WDR25: variants seen among roughly 807,000 people sequenced by gnomAD.
WDR25 encodes the protein WD repeat domain 25, also known as WD repeat-containing protein 25.
Under a neutral mutation model 47.7 loss-of-function variants are expected in WDR25, and 35 were observed. The observed-to-expected ratio is 0.73, with a 90% CI of 0.56 to 0.97. The LOEUF (loss-of-function observed/expected upper bound fraction) is 0.97, where lower values mean the gene tolerates loss of function less well. Among genes scored for constraint, WDR25 ranks in the 50% least tolerant of loss-of-function variants. The pLI is 0.00. For missense variants in WDR25, 634 were observed against 704.7 expected (o/e 0.90, Z 1.14); for synonymous variants, 248 against 278.9 (o/e 0.89, Z 1.10).
chr14:100,529,945 G>T lies in WDR25; in HGVS notation c.1539G>T (p.Gly513=), dbSNP rs1435362651. Residue 513 remains glycine (G), a synonymous_variant, in exon 7 of 7, where the codon GGG becomes GGT. Transcript: ENST00000402312. This position sits in a 1 kb window ranked among gnomAD's most constrained non-coding sequence, Gnocchi z 5.1. ...RTASRACTLQ[G]HTQACVGTTY... ...CCAGCCGAGCATGCACACTGCAGGG[G>T]CACACACAGGCCTGTGTCGGCACCA... is the stretch of plus-strand genomic sequence containing the variant. 1 of 1,613,444 alleles carries T rather than the reference G, an allele frequency of 6.2e-7. No individual in the cohort carries two copies. Among genetic ancestry groups the T allele is most frequent in the East Asian group, 2.2e-5 (1 of 44,894 alleles).
rs906350419 is a variant in WDR25, at chr14:100,468,240, C to T, written c.970+72C>T. On this transcript the variant is annotated intron_variant, in intron 3 of 6. Transcript: ENST00000402312. This position sits in a 1 kb window ranked among gnomAD's most constrained non-coding sequence, Gnocchi z 4.5. ...CCTGGGGAAGGTTCTCTGGTGGGCA[C>T]GCAGCCACAAGCTGTATACGCTTGC... 2.2e-5 allele frequency: 34 copies of T among 1,556,732 alleles called. No individual in the cohort carries two copies. Among genetic ancestry groups the T allele is most frequent in the East Asian group, 1.4e-4 (6 of 44,354 alleles).
intron 5 of WDR25, among the ~76,000 whole-genome samples, chr14:100,527,586 T>C (rs910282667): frequency 3.9e-5 from 6 of 152,216 alleles, no homozygotes; most frequent in African/African-American, 9.6e-5. Flanking sequence ...GGGCAACCCA[T>C]TGGGCAGGAC....
chr14:100,477,224 T>C (rs748289921), intron 3 of WDR25, among the ~76,000 whole-genome samples: 1 of 152,232 alleles, frequency 6.6e-6, no homozygotes, highest in Non-Finnish European at 1.5e-5. Context: ...GCACTGGTCA[T>C]AGAGTCAGTA....
chr14:100,396,596 A>C (rs1466207941), intron 2 of WDR25, among the ~76,000 whole-genome samples: 1 of 152,226 alleles, frequency 6.6e-6, no homozygotes, highest in Admixed American at 6.5e-5. Context: ...AAGCCAACAC[A>C]AGTGGCCTCA....
chr14:100,418,099 G>T (rs185978274), intron 2 of WDR25, among the ~76,000 whole-genome samples: 1 of 151,520 alleles, frequency 6.6e-6, no homozygotes, highest in Non-Finnish European at 1.5e-5. Context: ...CAACCACCAC[G>T]CCTGGCTAAT....
intron 3 of WDR25, among the ~76,000 whole-genome samples, chr14:100,476,742 A>G (rs1900030515): frequency 6.6e-6 from 1 of 152,138 alleles, no homozygotes; most frequent in Non-Finnish European, 1.5e-5. Context: ...GTGCCGTGTG[A>G]TGCGTGCAAG....
intron 4 of WDR25, among the ~76,000 whole-genome samples, chr14:100,489,448 C>T (rs1292920692): frequency 6.6e-6 from 1 of 152,118 alleles, no homozygotes; most frequent in Non-Finnish European, 1.5e-5. Context: ...GTATTTTGAA[C>T]CAAAAGTTAG....
In WDR25 at chr14:100,526,939, CCACACCATCTCTAT is replaced by C. The variant is rs1555397808; in HGVS notation, c.1272+903_1272+916del. Among the ~76,000 whole-genome samples the C allele has an allele frequency of 2.0e-3, 108 of 54,170 alleles. 1 individual carries two copies. Among genetic ancestry groups the C allele is most frequent in the South Asian group, 2.5e-3 (4 of 1,624 alleles). 35.5% of individuals were successfully genotyped at this position (54,170 alleles called of 152,430 possible). A position where few individuals can be genotyped will look rare whatever the true frequency, so the allele number is the denominator to read the frequency against. On this transcript the variant is annotated intron_variant, in intron 5 of 6. Transcript: ENST00000402312. ...ACTACTACCACTCCTGTCATCACCA[CCACACCATCTCTAT>C]CACCACCACCATCACCATCATCACC...
At chr14:100,494,700 G>A (rs563703462) in intron 4 of WDR25, among the ~76,000 whole-genome samples, 1 of 152,344 alleles carries the variant, frequency 6.6e-6, no homozygotes, top group African/African-American at 2.4e-5. Context: ...CTGGACCTGG[G>A]TGTTTTCTTC....
At chr14:100,431,707 C>T (rs1383865425) in intron 2 of WDR25, among the ~76,000 whole-genome samples, 1 of 148,838 alleles carries the variant, frequency 6.7e-6, no homozygotes, top group Non-Finnish European at 1.5e-5. Context: ...CCACCATGCC[C>T]AACTAATTTT....
In WDR25 at chr14:100,453,295, T is replaced by C. The variant is rs115217271; in HGVS notation, c.823-14726T>C. On this transcript the variant is annotated intron_variant, in intron 2 of 6. Transcript: ENST00000402312. ...TTAGTGGTGCTGAAACCTGCACACT[T>C]TCGAGCCAGAGTGCCTTGGTCCAGG... Among the ~76,000 whole-genome samples the C allele has an allele frequency of 4.9e-3, 744 of 152,280 alleles. 9 individuals carry two copies. The highest frequency in any genetic ancestry group is 0.017 in the African/African-American group (699 of 41,540).
At chr14:100,517,106 G>GTTTTTTTTTTTTTTTTT (rs796096587) in intron 4 of WDR25, among the ~76,000 whole-genome samples, 1 of 65,878 alleles carries the variant, frequency 1.5e-5, no homozygotes, top group African/African-American at 7.2e-5. Flanking sequence ...TATCTCCTCT[G>GTTTTTTTTTTTTTTTTT]TTTTTTTTTT....
In WDR25 at chr14:100,382,581, T is replaced by C. The variant is rs76258505; in HGVS notation, c.822+835T>C. 1.9e-3 allele frequency among the ~76,000 whole-genome samples: 288 copies of C among 152,236 alleles called. 12 individuals are homozygous for C. In the South Asian group the frequency reaches 0.032, roughly 17 times the overall value. ...GGCTACTGAAGTGATAGTAATGTAG[T>C]CCCCCAGTATGGAGGTACAGTGTGA... On this transcript the variant is annotated intron_variant, in intron 2 of 6. Coordinates refer to ENST00000402312, the MANE Select transcript of WDR25 (RefSeq NM_001161476.3).
intron 4 of WDR25, among the ~76,000 whole-genome samples, chr14:100,493,456 G>GT (rs61447433): frequency 1.3e-5 from 2 of 151,846 alleles, no homozygotes; most frequent in Non-Finnish European, 1.5e-5. Flanking sequence ...ACTCCTTTAT[G>GT]TTTTTTTTAA....
intron 2 of WDR25, among the ~76,000 whole-genome samples, chr14:100,382,707 C>T (rs1233061257): frequency 2.0e-5 from 3 of 152,140 alleles, no homozygotes; most frequent in Admixed American, 6.5e-5. Flanking sequence ...TGATATGTAG[C>T]GGGTGCCAAC....
chr14:100,518,631 C>T lies in WDR25; in HGVS notation c.1102-7239C>T, dbSNP rs1476782691. On this transcript the variant is annotated intron_variant, in intron 4 of 6. Coordinates refer to ENST00000402312, the MANE Select transcript of WDR25 (RefSeq NM_001161476.3). ...GATGGCCAGCTGCGGTGGCTCACAC[C>T]TGTAATCCTAGCACTTTGGGAGGCC... is the stretch of plus-strand genomic sequence containing the variant. 3.3e-5 allele frequency among the ~76,000 whole-genome samples: 5 copies of T among 152,210 alleles called. No individual in the cohort carries two copies. The East Asian group carries it at 7.7e-4, about 23-fold the overall frequency.
intron 4 of WDR25, among the ~76,000 whole-genome samples, chr14:100,495,685 G>A (rs997899708): frequency 3.3e-5 from 5 of 152,176 alleles, no homozygotes; most frequent in African/African-American, 1.2e-4. Flanking sequence ...TTTGCCTTAC[G>A]ATCTCACTTC....
intron 2 of WDR25, among the ~76,000 whole-genome samples, chr14:100,465,036 T>TA (rs1398187222): frequency 1.3e-5 from 2 of 151,996 alleles, no homozygotes; most frequent in Middle Eastern, 6.3e-3. Flanking sequence ...AGCTGCTGCT[T>TA]AGTGTTCATA....
Position 100,380,932 on chromosome 14 carries a change from C to T in WDR25, c.8C>T (p.Ala3Val), listed in dbSNP as rs1457174732. MT[A>V]RTLSLMASLV... Reference sequence around the variant, plus strand: ...TAGGTGGTTTGGCTTTGAATGACAGCAAGAACTCTGTCTTTAATGGCTTCA... The same window carrying T: ...TAGGTGGTTTGGCTTTGAATGACAGTAAGAACTCTGTCTTTAATGGCTTCA... Residue 3 changes from alanine (A) to valine (V), a missense_variant, in exon 2 of 7, where the codon GCA becomes GTA. Transcript: ENST00000402312. The T allele has an allele frequency of 6.2e-7, 1 of 1,611,646 alleles. No homozygotes were observed.
Sources: allele counts gnomAD v4.1 joint callset (sites outside exome capture counted in the v4.1 genomes callset), GRCh38; gene constraint gnomAD v4.1.1; non-coding constraint Gnocchi (gnomAD v3.1); transcripts MANE v1.5; gene names NCBI Gene and HGNC (gene_info 2026-07-23, HGNC 2026-07-21).